Variants in DAB1 observed in about 807,000 individuals in gnomAD.
DAB1 encodes the protein disabled homolog 1.
Under a neutral mutation model 64.6 loss-of-function variants are expected in DAB1, and 15 were observed. That is an observed-to-expected ratio of 0.23 (90% confidence interval 0.16 to 0.36). DAB1 has a LOEUF of 0.36. Among genes scored for constraint, DAB1 ranks in the 10% least tolerant of loss-of-function variants. The probability of loss-of-function intolerance (pLI) is 1.00; values close to 1 mark genes in which losing one functional copy is unlikely to be tolerated. For missense variants in DAB1, 596 were observed against 706.7 expected (o/e 0.84, Z 1.78); for synonymous variants, 235 against 251.9 (o/e 0.93, Z 0.64).
intron 6 of DAB1, among the ~76,000 whole-genome samples, chr1:57,788,670 C>A (rs1650449083): frequency 6.6e-6 from 1 of 152,162 alleles, no homozygotes; most frequent in Non-Finnish European, 1.5e-5. Flanking sequence ...AGTTTGGACG[C>A]CAGCTCTGTT....
chr1:57,811,211 T>C (rs1215910319), intron 6 of DAB1, among the ~76,000 whole-genome samples: 1 of 152,222 alleles, frequency 6.6e-6, no homozygotes, highest in Non-Finnish European at 1.5e-5. Flanking sequence ...ATGGTTTGAA[T>C]CTGTGTCCCC....
chr1:58,140,865 T>C (rs1418978219), intron 5 of DAB1, among the ~76,000 whole-genome samples: 1 of 152,212 alleles, frequency 6.6e-6, no homozygotes, highest in African/African-American at 2.4e-5. Flanking sequence ...GCAGGAAATA[T>C]GAGGCATAAT....
intron 4 of DAB1, among the ~76,000 whole-genome samples, chr1:57,128,514 C>CA (rs1657357972): frequency 6.6e-6 from 1 of 152,146 alleles, no homozygotes; most frequent in South Asian, 2.1e-4. Context: ...GCCACAGTGA[C>CA]AAAATTAAAT....
intron 1 of DAB1, among the ~76,000 whole-genome samples, chr1:57,366,644 A>G (rs1680018600): frequency 6.6e-6 from 1 of 152,244 alleles, no homozygotes; most frequent in African/African-American, 2.4e-5. Context: ...TATACCAGAT[A>G]CTATTCTAAG....
intron 5 of DAB1, among the ~76,000 whole-genome samples, chr1:58,043,812 C>T (rs1647179806): frequency 6.6e-6 from 1 of 152,126 alleles, no homozygotes; most frequent in African/African-American, 2.4e-5. Flanking sequence ...ACTGCAACCT[C>T]CACCTCCCAG....
chr1:57,945,727 T>C (rs1234515294), intron 5 of DAB1, among the ~76,000 whole-genome samples: 1 of 152,194 alleles, frequency 6.6e-6, no homozygotes, highest in African/African-American at 2.4e-5. Context: ...CATACCTGCA[T>C]ATATACAAAC....
intron 3 of DAB1, among the ~76,000 whole-genome samples, chr1:58,477,320 T>C (rs953520756): frequency 6.6e-6 from 1 of 152,146 alleles, no homozygotes; most frequent in African/African-American, 2.4e-5. Context: ...AAGCTACTTT[T>C]TTATCAGATT....
chr1:58,261,255 AT>A (rs1442080375), intron 4 of DAB1, among the ~76,000 whole-genome samples: 1 of 152,184 alleles, frequency 6.6e-6, no homozygotes, highest in African/African-American at 2.4e-5. Flanking sequence ...AAAATAAAAA[AT>A]AAATAACAGT....
intron 4 of DAB1, among the ~76,000 whole-genome samples, chr1:58,334,011 C>A (rs1032393011): frequency 7.2e-5 from 11 of 152,162 alleles, no homozygotes; most frequent in Non-Finnish European, 1.6e-4. Context: ...ACTACTCTCT[C>A]CGTCTCTGTA....
chr1:58,506,106 G>A lies in DAB1; in HGVS notation n.211C>T, dbSNP rs376478589. On this transcript the variant is annotated non_coding_transcript_exon_variant, in exon 3 of 21. Coordinates refer to the DAB1 transcript ENST00000485760. ...GTACTCAACTCGATTGCCATGAGAA[G>A]GGTGTGTAGATAACCATTCTGGCAT... 9 of 872,120 alleles carry A rather than the reference G, an allele frequency of 1.0e-5. No individual in the cohort carries two copies. In the African/African-American group the frequency reaches 1.1e-4, roughly 11 times the overall value. The allele number at this position is 872,120 out of a possible 1,614,324, so 54.0% of individuals were successfully genotyped here.
chr1:58,245,246 C>T (rs75519372), intron 4 of DAB1, among the ~76,000 whole-genome samples: 3,392 of 152,282 alleles, frequency 0.022, 57 homozygotes, highest in Middle Eastern at 0.041. Flanking sequence ...AGTCACTGTA[C>T]TAAAGTGAAA....
At chr1:57,996,125 G>A (rs1646421312) in intron 5 of DAB1, among the ~76,000 whole-genome samples, 1 of 152,134 alleles carries the variant, frequency 6.6e-6, no homozygotes, top group African/African-American at 2.4e-5. Context: ...TAGGCATGGT[G>A]GCGGGTGCCT....
chr1:57,698,231 C>T (rs1570748773), intron 6 of DAB1, among the ~76,000 whole-genome samples: 1 of 151,642 alleles, frequency 6.6e-6, no homozygotes, highest in East Asian at 1.9e-4. Flanking sequence ...GGACTACAAG[C>T]ATGCACCACC....
chr1:57,945,984 T>C (rs1645178683), intron 5 of DAB1, among the ~76,000 whole-genome samples: 1 of 152,216 alleles, frequency 6.6e-6, no homozygotes, highest in African/African-American at 2.4e-5. Context: ...CTATCATGTA[T>C]ATCTAATCCA....
At chr1:57,119,600 T>C (rs1656453363) in intron 4 of DAB1, among the ~76,000 whole-genome samples, 1 of 152,182 alleles carries the variant, frequency 6.6e-6, no homozygotes, top group African/African-American at 2.4e-5. Context: ...CAAAGACTCT[T>C]GAATGGGAAC....
chr1:57,513,086 T>C (rs560277705), intron 7 of DAB1, among the ~76,000 whole-genome samples: 1 of 152,296 alleles, frequency 6.6e-6, no homozygotes, highest in Admixed American at 6.5e-5. Context: ...TTTGTCAAAA[T>C]GATACAACCA....
chr1:57,428,634 A>T (rs1685378161), upstream of DAB1, among the ~76,000 whole-genome samples: 1 of 152,158 alleles, frequency 6.6e-6, no homozygotes, highest in African/African-American at 2.4e-5. Context: ...GGTAGTGCAG[A>T]TATCTCCTTG....
rs538823879 is a variant in DAB1, at chr1:57,513,422, C to G, written n.625+136170G>C. 1.1e-4 allele frequency among the ~76,000 whole-genome samples: 17 copies of G among 152,234 alleles called. 1 individual carries two copies. The South Asian group carries it at 3.3e-3, about 30-fold the overall frequency. ...TGGCACAGAGCCTCCACCTCTCATT[C>G]ATATCTTTTTTCTTTCTTGGTTTTC... On this transcript the variant is annotated intron_variant and non_coding_transcript_variant, in intron 7 of 20. Transcript: ENST00000485760.
intron 6 of DAB1, among the ~76,000 whole-genome samples, chr1:57,700,127 T>C (rs12562820): frequency 2.0e-5 from 3 of 152,156 alleles, no homozygotes; most frequent in African/African-American, 4.8e-5. Flanking sequence ...CCTCATGTGC[T>C]ACCGGTCATT....
Sources: gnomAD v4.1 joint callset for allele counts (sites outside exome capture counted in the v4.1 genomes callset) on GRCh38, gnomAD v4.1.1 for gene constraint, MANE v1.5 for transcripts, NCBI Gene and HGNC (gene_info 2026-07-23, HGNC 2026-07-21) for gene names.